Variants in KLHL3 observed in about 807,000 individuals in gnomAD.
KLHL3 encodes the protein kelch like family member 3.
A neutral mutation model predicts 70.5 loss-of-function variants in KLHL3; 19 were observed. The ratio of observed to expected loss-of-function variants is 0.27; its 90% CI spans 0.19 to 0.40. The LOEUF is 0.40. Among genes scored for constraint, KLHL3 ranks in the 10% least tolerant of loss-of-function variants. The probability of loss-of-function intolerance (pLI) is 1.00; values close to 1 mark genes in which losing one functional copy is unlikely to be tolerated. For missense variants in KLHL3, 512 were observed against 771.1 expected (o/e 0.66, Z 3.98); for synonymous variants, 258 against 290.3 (o/e 0.89, Z 1.13).
intron 6 of KLHL3, among the ~76,000 whole-genome samples, chr5:137,666,443 A>G (rs1580745022): frequency 6.6e-6 from 1 of 152,286 alleles, no homozygotes; most frequent in East Asian, 1.9e-4. Flanking sequence ...CCATCTCCCA[A>G]TGCTGCCTAG....
chr5:137,622,070 C>G lies in KLHL3; in HGVS notation c.*28G>C. On this transcript the variant is annotated 3_prime_UTR_variant, in exon 15 of 15. Transcript: ENST00000309755. ...AGTCACAGGCAGCACCTGCTCCTTC[C>G]TCCACCTCCTGGCAGTAGGAGTTTG... is the stretch of plus-strand genomic sequence containing the variant. The G allele has an allele frequency of 6.2e-7, 1 of 1,613,602 alleles. No homozygotes were observed.
chr5:137,651,334 C>G (rs1034664), intron 8 of KLHL3, among the ~76,000 whole-genome samples: 54,207 of 152,080 alleles, frequency 0.36, 10,471 homozygotes, highest in East Asian at 0.61. Context: ...AACTACTGTC[C>G]TTGTTGTTCA....
chr5:137,643,995 T>C (rs1385862474), intron 8 of KLHL3, among the ~76,000 whole-genome samples: 2 of 152,170 alleles, frequency 1.3e-5, no homozygotes, highest in African/African-American at 2.4e-5. Context: ...TGTCTTTCTA[T>C]GCCTGGGTTA....
rs1751128573 is a variant in KLHL3, at chr5:137,648,902, C to T, written c.904-8925G>A. On this transcript the variant is annotated intron_variant, in intron 8 of 14. Coordinates refer to ENST00000309755, the MANE Select transcript of KLHL3 (RefSeq NM_017415.3). ...GGAATTCCTATGCCTGCTTCTCCAACTAGTCCAATTATCTCCTGATTTTTC... is the reference window on the plus strand; with the variant it reads ...GGAATTCCTATGCCTGCTTCTCCAATTAGTCCAATTATCTCCTGATTTTTC... 5.3e-5 allele frequency among the ~76,000 whole-genome samples: 8 copies of T among 152,316 alleles called. No homozygotes were observed. The Middle Eastern group carries it at 0.014, about 259-fold the overall frequency.
At chr5:137,641,054 A>G (rs888348270) in intron 8 of KLHL3, among the ~76,000 whole-genome samples, 2 of 152,218 alleles carry the variant, frequency 1.3e-5, no homozygotes, top group African/African-American at 4.8e-5. Context: ...TTATGGTATC[A>G]CTGCTGTGTC....
At chr5:137,700,212 A>G (rs1247836321) in intron 3 of KLHL3, among the ~76,000 whole-genome samples, 1 of 152,260 alleles carries the variant, frequency 6.6e-6, no homozygotes, top group East Asian at 1.9e-4. Flanking sequence ...TTATTGAGAC[A>G]CACAAACAAA....
At position 137,620,399 on chromosome 5, in the gene KLHL3, C is replaced by A. The variant is rs1427262103; in HGVS notation, c.*1699G>T. The A allele has an allele frequency of 6.6e-6, 1 of 152,154 alleles. No homozygotes were observed. Among genetic ancestry groups the A allele is most frequent in the Non-Finnish European group, 1.5e-5 (1 of 68,012 alleles). 9.4% of individuals were successfully genotyped at this position (152,154 alleles called of 1,614,324 possible). A position where few individuals can be genotyped will look rare whatever the true frequency, so the allele number is the denominator to read the frequency against. ...ACTTCGGGGTTTCTAACTGCAGGGG[C>A]TGGGGGATGCCAATCTCCTGCAGCA... On this transcript the variant is annotated 3_prime_UTR_variant, in exon 15 of 15. Transcript: ENST00000309755.
intron 3 of KLHL3, chr5:137,706,301 A>T (rs1385984513): frequency 3.6e-5 from 35 of 985,422 alleles, no homozygotes; most frequent in African/African-American, 1.6e-4. Flanking sequence ...TCTTACTCTC[A>T]GTACACAATG....
chr5:137,637,518 A>G (rs1221739976), intron 10 of KLHL3, 123 bp from the exon 11 acceptor site: 1 of 747,224 alleles, frequency 1.3e-6, no homozygotes. Context: ...ATGGCTCAGT[A>G]CCACCTCTGC....
intron 5 of KLHL3, among the ~76,000 whole-genome samples, chr5:137,690,568 G>C (rs1157666671): frequency 1.3e-5 from 2 of 152,046 alleles, no homozygotes; most frequent in African/African-American, 4.8e-5. Flanking sequence ...GAGGCTACTG[G>C]GTAATGTCCT....
chr5:137,733,676 T>A (rs549157317), intron 1 of KLHL3, among the ~76,000 whole-genome samples: 1 of 152,288 alleles, frequency 6.6e-6, no homozygotes, highest in South Asian at 2.1e-4. Flanking sequence ...GATAGATAGA[T>A]AACTTTTGCA....
chr5:137,661,748 C>T lies in KLHL3; in HGVS notation c.753+167G>A, dbSNP rs1751480170. On this transcript the variant is annotated intron_variant, in intron 7 of 14. Transcript: ENST00000309755. The stretch of plus-strand genomic sequence containing the variant: ...TAAGTGTCCTATTTTCAAGCCTATG[C>T]TCTTAAACTTTACAACACCTAACAC... 14 of 541,988 alleles carry T rather than the reference C, an allele frequency of 2.6e-5. 1 individual carries two copies. In the South Asian group the frequency reaches 4.1e-4, roughly 16 times the overall value. 33.6% of individuals were successfully genotyped at this position (541,988 alleles called of 1,614,324 possible).
chr5:137,637,988 A>G (rs982231243), intron 10 of KLHL3, among the ~76,000 whole-genome samples: 1 of 152,262 alleles, frequency 6.6e-6, no homozygotes, highest in African/African-American at 2.4e-5. Context: ...AGAGAATCTT[A>G]AAGAATGTGG....
chr5:137,731,834 C>G (rs1467470769), intron 1 of KLHL3, among the ~76,000 whole-genome samples: 3 of 152,116 alleles, frequency 2.0e-5, no homozygotes, highest in African/African-American at 7.2e-5. Context: ...CAGTCTGGGC[C>G]TGAATGTTTT....
rs562588218 is a variant in KLHL3, at chr5:137,639,269, G to C, written c.1022-119C>G. ...AAAGTCGCCACCGAAGATACTTTAG[G>C]TATTTGGCAGTCATTATGGGATTCA... On this transcript the variant is annotated intron_variant, in intron 9 of 14. Transcript: ENST00000309755. The surrounding 1 kb of genome is among the most constrained non-coding windows in gnomAD (Gnocchi z 5.0). The C allele has an allele frequency of 3.5e-6, 3 of 860,214 alleles. No homozygotes were observed. In the South Asian group the frequency reaches 5.1e-5, roughly 14 times the overall value. 53.3% of individuals were successfully genotyped at this position (860,214 alleles called of 1,614,324 possible).
Position 137,635,401 on chromosome 5 carries a change from G to GGTTC in KLHL3, c.1322-1240_1322-1237dup, listed in dbSNP as rs1457622319. ...CCAGGCTACTTGCATGGTATGTGCT[G>GGTTC]GTTCAGATGCGAAATATCCATAGCA... is the stretch of plus-strand genomic sequence containing the variant. On this transcript the variant is annotated intron_variant, in intron 11 of 14. Coordinates refer to ENST00000309755, the MANE Select transcript of KLHL3 (RefSeq NM_017415.3). 3.3e-5 allele frequency among the ~76,000 whole-genome samples: 5 copies of GGTTC among 152,128 alleles called. No individual in the cohort carries two copies. In the South Asian group the frequency reaches 8.3e-4, roughly 25 times the overall value.
At chr5:137,734,788 CAA>C (rs1388369126) in intron 1 of KLHL3, among the ~76,000 whole-genome samples, 2 of 152,188 alleles carry the variant, frequency 1.3e-5, no homozygotes, top group African/African-American at 4.8e-5. Flanking sequence ...GGTTGGCACT[CAA>C]GAGATATTTT....
At chr5:137,725,084 C>A in intron 1 of KLHL3, 1 of 984,632 alleles carries the variant, frequency 1.0e-6, no homozygotes, top group South Asian at 4.7e-5. Context: ...ACTACTTAAA[C>A]CTCAATAGAT....
chr5:137,720,083 C>T (rs1285433788), intron 2 of KLHL3, among the ~76,000 whole-genome samples: 1 of 152,086 alleles, frequency 6.6e-6, no homozygotes, highest in Non-Finnish European at 1.5e-5. Context: ...AGGCAGATCA[C>T]AAGGTCAGGA....
Sources: gnomAD v4.1 joint callset for allele counts (sites outside exome capture counted in the v4.1 genomes callset) on GRCh38, gnomAD v4.1.1 for gene constraint, Gnocchi (gnomAD v3.1) non-coding constraint, MANE v1.5 for transcripts, NCBI Gene and HGNC (gene_info 2026-07-23, HGNC 2026-07-21) for gene names.